The following ARFGEF3 variants were observed in gnomAD, a reference collection of about 807,000 sequenced individuals.
The protein encoded by ARFGEF3 is brefeldin A-inhibited guanine nucleotide-exchange protein 3.
Under a neutral mutation model 221.7 loss-of-function variants are expected in ARFGEF3, and 96 were observed. The ratio of observed to expected loss-of-function variants is 0.43; its 90% CI spans 0.37 to 0.51. The LOEUF (loss-of-function observed/expected upper bound fraction) is 0.51, where lower values mean the gene tolerates loss of function less well. Among genes scored for constraint, ARFGEF3 ranks in the 20% least tolerant of loss-of-function variants. ARFGEF3 has a pLI of 0.00. For synonymous variants in ARFGEF3, 1,145 were observed against 1,126.8 expected, an observed-to-expected ratio of 1.02 and a Z score of -0.32; for missense variants, 2,410 against 2,789.9, an observed-to-expected ratio of 0.86 and a Z score of 3.07.
intron 14 of ARFGEF3, among the ~76,000 whole-genome samples, chr6:138,281,510 G>A (rs1011538732): frequency 1.3e-5 from 2 of 152,152 alleles, no homozygotes; most frequent in Non-Finnish European, 2.9e-5. Flanking sequence ...GTTACCGTCT[G>A]GACGTCCATG....
intron 1 of ARFGEF3, among the ~76,000 whole-genome samples, chr6:138,167,918 A>G (rs1776752890): frequency 6.6e-6 from 1 of 152,172 alleles, no homozygotes; most frequent in Admixed American, 6.5e-5. Context: ...CCTGCCCCAC[A>G]GCCTTGTGCT....
At chr6:138,293,507 A>G (rs1779451099) in intron 19 of ARFGEF3, among the ~76,000 whole-genome samples, 2 of 152,238 alleles carry the variant, frequency 1.3e-5, no homozygotes, top group South Asian at 4.1e-4. Flanking sequence ...GTATGAGGCC[A>G]GTCCCCGCCC....
intron 24 of ARFGEF3, 116 bp downstream of exon 24, chr6:138,308,977 A>G: frequency 1.6e-6 from 2 of 1,251,674 alleles, no homozygotes; most frequent in Middle Eastern, 2.0e-4. Flanking sequence ...CCTGGGGTAC[A>G]AGCAGATGGT....
intron 28 of ARFGEF3, among the ~76,000 whole-genome samples, chr6:138,320,795 G>A (rs1354115090): frequency 6.6e-6 from 1 of 152,174 alleles, no homozygotes; most frequent in Non-Finnish European, 1.5e-5. Flanking sequence ...ACATGTTCCT[G>A]GCTGGGTCAT....
Position 138,213,969 on chromosome 6 carries a change from T to C in ARFGEF3, c.351+3928T>C, listed in dbSNP as rs547920382. ...CCATAATCATTTGCTATTTCTGAGA[T>C]TGAAAATACTTGTTTTGGTATAGAG... On this transcript the variant is annotated intron_variant, in intron 4 of 33. Coordinates refer to ENST00000251691, the MANE Select transcript of ARFGEF3 (RefSeq NM_020340.5). Among the ~76,000 whole-genome samples, 34 of 152,300 alleles carry C rather than the reference T, an allele frequency of 2.2e-4. No individual in the cohort carries two copies. In the South Asian group the frequency reaches 6.6e-3, roughly 30 times the overall value.
chr6:138,219,306 G>A (rs1181093138), intron 4 of ARFGEF3, among the ~76,000 whole-genome samples: 2 of 152,154 alleles, frequency 1.3e-5, no homozygotes, highest in Admixed American at 1.3e-4. Flanking sequence ...GTGAGGGATA[G>A]TGGACGATGA....
At chr6:138,169,970 C>G (rs113410592) in intron 1 of ARFGEF3, among the ~76,000 whole-genome samples, 7 of 152,148 alleles carry the variant, frequency 4.6e-5, no homozygotes, top group African/African-American at 1.7e-4. Context: ...AAGGGGTCAA[C>G]ACAATTTCAG....
At chr6:138,304,430 G>A (rs1051329277) in intron 22 of ARFGEF3, among the ~76,000 whole-genome samples, 1 of 152,100 alleles carries the variant, frequency 6.6e-6, no homozygotes, top group Non-Finnish European at 1.5e-5. Context: ...TTGTGGTGAT[G>A]TTTGCACATT....
intron 12 of ARFGEF3, among the ~76,000 whole-genome samples, chr6:138,265,395 CTAACA>C (rs1462789149): frequency 1.3e-5 from 2 of 152,020 alleles, no homozygotes; most frequent in African/African-American, 2.4e-5. Flanking sequence ...TTAAGGCTAC[CTAACA>C]TATTTTTTTC....
At chr6:138,185,981 T>C (rs917501472) in intron 2 of ARFGEF3, among the ~76,000 whole-genome samples, 1 of 152,232 alleles carries the variant, frequency 6.6e-6, no homozygotes, top group African/African-American at 2.4e-5. Context: ...GCACTGAGGC[T>C]TGAGTGATAA....
intron 1 of ARFGEF3, among the ~76,000 whole-genome samples, chr6:138,168,224 A>G (rs1322480416): frequency 6.6e-6 from 1 of 152,256 alleles, no homozygotes; most frequent in Non-Finnish European, 1.5e-5. Flanking sequence ...TACACATGAC[A>G]GCAAAGAGAG....
At chr6:138,233,272 A>G (rs895667129) in intron 5 of ARFGEF3, among the ~76,000 whole-genome samples, 1 of 152,144 alleles carries the variant, frequency 6.6e-6, no homozygotes, top group African/African-American at 2.4e-5. Flanking sequence ...AAAAACATTG[A>G]CGCTCAACAC....
intron 2 of ARFGEF3, 114 bp from the exon 3 acceptor site, chr6:138,206,928 T>C: frequency 2.8e-6 from 2 of 709,440 alleles, no homozygotes; most frequent in Non-Finnish European, 4.9e-6. Flanking sequence ...TTATTGGTTA[T>C]AGTTTTTGTG....
At chr6:138,333,132 A>G (rs1780256847) in intron 32 of ARFGEF3, among the ~76,000 whole-genome samples, 2 of 152,220 alleles carry the variant, frequency 1.3e-5, no homozygotes, top group Admixed American at 6.5e-5. Context: ...GAGCAGTGAA[A>G]AGAAATGAAA....
rs772563287 is a variant in ARFGEF3 at position 138,291,991 on chromosome 6, G to C, written c.3306G>C (p.Gly1102=). The C allele has an allele frequency of 6.5e-7, 1 of 1,537,322 alleles. No homozygotes were observed. Among genetic ancestry groups the C allele is most frequent in the Non-Finnish European group, 8.7e-7 (1 of 1,146,506 alleles). ...GTCGGGCCTCCGACTTCCGCGGCGG[G>C]AGCCTCATGAGCGGGAGCAGCGCGG... ...SRGRASDFRG[G]SLMSGSSAAK... is the part of the protein sequence containing the mutation. Residue 1102 remains glycine, a synonymous_variant, in exon 19 of 34, where the codon GGG becomes GGC. Coordinates refer to ENST00000251691, the MANE Select transcript of ARFGEF3 (RefSeq NM_020340.5). This position sits in a 1 kb window ranked among gnomAD's most constrained non-coding sequence, Gnocchi z 4.5.
chr6:138,243,063 G>A (rs1778423440), intron 7 of ARFGEF3, 69 bp downstream of exon 7: 1 of 1,226,322 alleles, frequency 8.2e-7, no homozygotes, highest in African/African-American at 1.5e-5. Context: ...TGTGCTTGGA[G>A]TGAGGGGTAC....
chr6:138,304,445 G>T (rs567584694), intron 22 of ARFGEF3, among the ~76,000 whole-genome samples: 18 of 152,196 alleles, frequency 1.2e-4, no homozygotes, highest in African/African-American at 2.4e-5. Context: ...CACATTAAAG[G>T]CCTATTAACC....
At chr6:138,192,693 G>A (rs538014715) in intron 2 of ARFGEF3, among the ~76,000 whole-genome samples, 3 of 152,322 alleles carry the variant, frequency 2.0e-5, no homozygotes, top group Admixed American at 6.5e-5. Flanking sequence ...GACAGAGCTG[G>A]GGCGCTCCAG....
intron 4 of ARFGEF3, among the ~76,000 whole-genome samples, chr6:138,215,444 G>C (rs1429795805): frequency 1.3e-5 from 2 of 152,156 alleles, no homozygotes; most frequent in African/African-American, 4.8e-5. Context: ...TTCGTAGAGT[G>C]CTTTGCAATT....
Sources: allele counts gnomAD v4.1 joint callset (sites outside exome capture counted in the v4.1 genomes callset), GRCh38; gene constraint gnomAD v4.1.1; non-coding constraint Gnocchi (gnomAD v3.1); transcripts MANE v1.5; gene names NCBI Gene and HGNC (gene_info 2026-07-23, HGNC 2026-07-21).